The following CCDC124 variants were observed in gnomAD, a reference collection of about 807,000 sequenced individuals.
The protein encoded by CCDC124 is coiled-coil domain containing 124.
In CCDC124, 9 loss-of-function variants were observed where a neutral mutation model predicts 19.8. The observed-to-expected ratio is 0.45, with a 90% CI of 0.27 to 0.79. The LOEUF (loss-of-function observed/expected upper bound fraction) is 0.79. Ranked by LOEUF, CCDC124 falls within the 30% of genes least tolerant of loss-of-function variation. The pLI, the probability that CCDC124 is intolerant of heterozygous loss-of-function variation, is 0.14. For synonymous variants in CCDC124, 126 were observed against 131.3 expected (o/e 0.96, Z 0.27); for missense variants, 285 against 319.0 (o/e 0.89, Z 0.81).
At chr19:17,940,356 G>A (rs1260106943) in intron 2 of CCDC124, among the ~76,000 whole-genome samples, 1 of 152,130 alleles carries the variant, frequency 6.6e-6, no homozygotes, top group African/African-American at 2.4e-5. Flanking sequence ...GGGCCAGGTG[G>A]TGAATAGCTT....
chr19:17,939,098 A>AAAGATGCAGTATCCATCCGG (rs1222967974), intron 2 of CCDC124, among the ~76,000 whole-genome samples: 1 of 152,144 alleles, frequency 6.6e-6, no homozygotes, highest in Non-Finnish European at 1.5e-5. Flanking sequence ...AATGTCTGTC[A>AAAGATGCAGTATCCATCCGG]AAGATGCAGT....
chr19:17,939,853 C>G (rs2031139922), intron 2 of CCDC124, among the ~76,000 whole-genome samples: 1 of 151,164 alleles, frequency 6.6e-6, no homozygotes. Flanking sequence ...AAACTCCTGG[C>G]CCCAAGTGAT....
chr19:17,939,325 G>A (rs1374541529), intron 2 of CCDC124, among the ~76,000 whole-genome samples: 1 of 152,096 alleles, frequency 6.6e-6, no homozygotes, highest in African/African-American at 2.4e-5. Context: ...TACCTGGGAG[G>A]TGGAGGTTGC....
intron 2 of CCDC124, 89 bp downstream of exon 2, chr19:17,936,668 C>A: frequency 1.4e-6 from 2 of 1,470,298 alleles, no homozygotes; most frequent in Non-Finnish European, 9.2e-7. Context: ...GCGAGAGGGC[C>A]CTCTGAGCTT....
intron 1 of CCDC124, among the ~76,000 whole-genome samples, chr19:17,934,458 C>T (rs902679389): frequency 3.3e-5 from 5 of 151,786 alleles, no homozygotes; most frequent in East Asian, 1.9e-4. Context: ...CAAAATGTGG[C>T]GTATCCATGC....
intron 2 of CCDC124, 90 bp downstream of exon 2, chr19:17,936,669 C>G (rs531624710): frequency 2.7e-5 from 40 of 1,468,856 alleles, no homozygotes; most frequent in Non-Finnish European, 3.4e-5. Flanking sequence ...CGAGAGGGCC[C>G]TCTGAGCTTT....
At chr19:17,943,461 GGGCAAGGCTGCGCCCAA>G in intron 4 of CCDC124, 30 bp from the exon 5 acceptor site, 1 of 1,590,110 alleles carries the variant, frequency 6.3e-7, no homozygotes, top group Non-Finnish European at 8.5e-7. Context: ...GGGCTTTTCG[GGGCAAGGCTGCGCCCAA>G]GGCCCCCTGA....
intron 2 of CCDC124, chr19:17,937,053 G>C (rs2147778974): frequency 6.6e-6 from 1 of 152,456 alleles, no homozygotes; most frequent in African/African-American, 2.4e-5. Context: ...GGCCGAGGTA[G>C]GCATATCACC....
chr19:17,939,640 T>G (rs1300146590), intron 2 of CCDC124, among the ~76,000 whole-genome samples: 2 of 151,650 alleles, frequency 1.3e-5, no homozygotes, highest in Non-Finnish European at 2.9e-5. Flanking sequence ...TTTTTTTTTT[T>G]GAGGCAGAGT....
Position 17,942,016 on chromosome 19 carries a change from A to C in CCDC124, c.160-640A>C, listed in dbSNP as rs1404855828. On this transcript the variant is annotated intron_variant, in intron 2 of 4. Coordinates refer to ENST00000445755, the MANE Select transcript of CCDC124 (RefSeq NM_001136203.2). The surrounding 1 kb of genome is among the most constrained non-coding windows in gnomAD (Gnocchi z 4.2). ...CGGCCCCCTGGGGTCCGTGCAGGCC[A>C]GGGCAAGGGCAAGTCCCGTAGCCCA... is the stretch of plus-strand genomic sequence containing the variant. Among the ~76,000 whole-genome samples, 1 of 152,134 alleles carries C rather than the reference A, an allele frequency of 6.6e-6. No individual in the cohort carries two copies. The highest frequency in any genetic ancestry group is 1.5e-5 in the Non-Finnish European group (1 of 68,006).
At chr19:17,941,993 G>GC (rs2031193737) in intron 2 of CCDC124, among the ~76,000 whole-genome samples, 1 of 152,106 alleles carries the variant, frequency 6.6e-6, no homozygotes, top group Non-Finnish European at 1.5e-5. Context: ...GGCTTGCTCG[G>GC]CCCCCTGGGG....
Position 17,936,488 on chromosome 19 carries a change from A to G in CCDC124, c.68A>G (p.Lys23Arg). Reference sequence around the variant, plus strand: ...GCCCGGGCACGTAGGGCAGAGGCCAAGGCGGCCGCTGATGCCAAGAAGCAG... The same window carrying G: ...GCCCGGGCACGTAGGGCAGAGGCCAGGGCGGCCGCTGATGCCAAGAAGCAG... The part of the protein sequence containing the change: ...AAARARRAEA[K>R]AAADAKKQKE... Residue 23 changes from lysine (K) to arginine (R), a missense_variant, in exon 2 of 5, where the codon AAG (lysine) becomes AGG (arginine). Physicochemically the swap from Lys to Arg is conservative, Grantham distance 26 (BLOSUM62 2). Transcript: ENST00000445755. 6.2e-7 allele frequency: 1 copy of G among 1,613,098 alleles called. No individual in the cohort carries two copies. Among genetic ancestry groups the G allele is most frequent in the Non-Finnish European group, 8.5e-7 (1 of 1,179,740 alleles).
At chr19:17,943,026 C>T (rs1233919830) in intron 3 of CCDC124, among the ~76,000 whole-genome samples, 181 bp downstream of exon 3, 3 of 152,070 alleles carry the variant, frequency 2.0e-5, no homozygotes, top group Non-Finnish European at 4.4e-5. Context: ...GGGCTTGTGC[C>T]CCGCGGGGTC....
intron 2 of CCDC124, 89 bp downstream of exon 2, chr19:17,936,668 C>T: frequency 1.4e-6 from 2 of 1,470,304 alleles, no homozygotes; most frequent in Admixed American, 4.2e-5. Flanking sequence ...GCGAGAGGGC[C>T]CTCTGAGCTT....
rs1027799343 is a variant in CCDC124 at position 17,943,368 on chromosome 19, G to T, written c.457G>T (p.Val153Leu). 2 of 1,586,466 alleles carry T rather than the reference G, an allele frequency of 1.3e-6. No individual in the cohort carries two copies. Among genetic ancestry groups the T allele is most frequent in the Non-Finnish European group, 1.7e-6 (2 of 1,170,318 alleles). The change falls in exon 4 of 5, where the codon GTG becomes TTG. Residue 153 changes from valine (V) to leucine (L), a missense_variant. By Grantham distance (32) the Val-to-Leu change is conservative. Transcript: ENST00000445755. ...GCGCACCATCGAGGACGCCATTGCAGTGCTCAGGTAACGGGGCGGGGCCTG... is the reference window on the plus strand; with the variant it reads ...GCGCACCATCGAGGACGCCATTGCATTGCTCAGGTAACGGGGCGGGGCCTG... ...EARTIEDAIAVLSVAEEAADR... is the reference protein window; with the variant it reads ...EARTIEDAIALLSVAEEAADR...
At chr19:17,936,225 CATG>C (rs1427743647) in intron 1 of CCDC124, 182 bp from the exon 2 acceptor site, 1 of 549,046 alleles carries the variant, frequency 1.8e-6, no homozygotes, top group African/African-American at 1.9e-5. Context: ...CATTTGGTGT[CATG>C]ATGTGAATTT....
intron 2 of CCDC124, among the ~76,000 whole-genome samples, chr19:17,938,056 G>A (rs1218911578): frequency 3.3e-5 from 5 of 152,120 alleles, no homozygotes; most frequent in Admixed American, 6.6e-5. Flanking sequence ...TTTAAAAGCC[G>A]TCGTTTGGCG....
In CCDC124 at chr19:17,940,872, C is replaced by T. The variant is rs374942730; in HGVS notation, c.160-1784C>T. Among the ~76,000 whole-genome samples, 6 of 151,204 alleles carry T rather than the reference C, an allele frequency of 4.0e-5. No individual in the cohort carries two copies. The South Asian group carries it at 6.3e-4, about 16-fold the overall frequency. ...ACCATCCTGGCTAACACGGTGAAAC[C>T]CCATCTCTACTAAAAATACAAAAAA... On this transcript the variant is annotated intron_variant, in intron 2 of 4. Coordinates refer to ENST00000445755, the MANE Select transcript of CCDC124 (RefSeq NM_001136203.2).
intron 2 of CCDC124, among the ~76,000 whole-genome samples, chr19:17,939,541 A>C (rs1004274077): frequency 6.6e-6 from 1 of 152,116 alleles, no homozygotes; most frequent in Non-Finnish European, 1.5e-5. Flanking sequence ...TGGATGAGGA[A>C]ATTGAGGCAG....
Sources: gnomAD v4.1 joint callset for allele counts (sites outside exome capture counted in the v4.1 genomes callset) on GRCh38, gnomAD v4.1.1 for gene constraint, Gnocchi (gnomAD v3.1) non-coding constraint, MANE v1.5 for transcripts, NCBI Gene and HGNC (gene_info 2026-07-23, HGNC 2026-07-21) for gene names.